Variants in GTF2E2 observed in about 807,000 individuals in gnomAD.
GTF2E2 encodes the protein transcription initiation factor IIE subunit beta.
A neutral mutation model predicts 40.5 loss-of-function variants in GTF2E2; 21 were observed. The ratio of observed to expected loss-of-function variants is 0.52; its 90% CI spans 0.37 to 0.75. GTF2E2 has a LOEUF of 0.75. Among genes scored for constraint, GTF2E2 ranks in the 30% least tolerant of loss-of-function variants. GTF2E2 has a pLI of 0.00. For missense variants in GTF2E2, 298 were observed against 338.4 expected (o/e 0.88, Z 0.94); for synonymous variants, 117 against 121.6 (o/e 0.96, Z 0.25).
rs1585961973 is a variant in GTF2E2 at position 30,610,423 on chromosome 8, G to A, written c.549+1876C>T. On this transcript the variant is annotated intron_variant, in intron 5 of 7. Transcript: ENST00000355904. ...ATTGCATCACTGCACTCCAGCATGGGTGACAGTGTGACTCTGTCTCAAAAA... is the reference window on the plus strand; with the variant it reads ...ATTGCATCACTGCACTCCAGCATGGATGACAGTGTGACTCTGTCTCAAAAA... Among the ~76,000 whole-genome samples, 5 of 143,950 alleles carry A rather than the reference G, an allele frequency of 3.5e-5. No homozygotes were observed. The South Asian group carries it at 1.1e-3, about 33-fold the overall frequency. The allele number at this position is 143,950 out of a possible 152,430, so 94.4% of individuals were successfully genotyped here.
intron 6 of GTF2E2, among the ~76,000 whole-genome samples, chr8:30,599,742 T>TG (rs956769328): frequency 3.4e-4 from 52 of 152,288 alleles, no homozygotes; most frequent in Admixed American, 2.0e-3. Flanking sequence ...CCCAGTACTT[T>TG]GGGAGGCCAA....
At chr8:30,580,145 T>C (rs1269366188) in intron 7 of GTF2E2, 136 bp downstream of exon 7, 5 of 633,526 alleles carry the variant, frequency 7.9e-6, no homozygotes, top group Non-Finnish European at 1.4e-5. Context: ...CTGCAATACC[T>C]CAGATGTGAC....
intron 6 of GTF2E2, among the ~76,000 whole-genome samples, chr8:30,603,190 C>T (rs1271001469): frequency 6.6e-6 from 1 of 151,956 alleles, no homozygotes; most frequent in African/African-American, 2.4e-5. Flanking sequence ...AACAGGCTTA[C>T]GAATAAACAT....
intron 2 of GTF2E2, among the ~76,000 whole-genome samples, chr8:30,638,843 T>G (rs1199407381): frequency 1.3e-5 from 2 of 152,228 alleles, no homozygotes; most frequent in East Asian, 3.9e-4. Flanking sequence ...CCTTACCATC[T>G]GTGCCTTAAT....
intron 2 of GTF2E2, among the ~76,000 whole-genome samples, chr8:30,642,039 T>C (rs1377549860): frequency 6.6e-6 from 1 of 152,182 alleles, no homozygotes; most frequent in Non-Finnish European, 1.5e-5. Context: ...TGTTTCCTAA[T>C]CCCAATTTGA....
intron 6 of GTF2E2, chr8:30,597,252 T>C (rs1419811868): frequency 6.6e-6 from 1 of 152,146 alleles, no homozygotes; most frequent in Non-Finnish European, 1.5e-5. Context: ...CTTTCCACAG[T>C]GGTTTAAGGC....
rs564670857 is a variant in GTF2E2, at chr8:30,595,718, G to A, written c.643+11339C>T. ...GTAGTGGCATGTACCTGCAGTCCTA[G>A]CTACTCAGGAGGCTGAGATGGGAGG... On this transcript the variant is annotated intron_variant, in intron 6 of 7. Coordinates refer to ENST00000355904, the MANE Select transcript of GTF2E2 (RefSeq NM_002095.6). Among the ~76,000 whole-genome samples, 4 of 152,174 alleles carry A rather than the reference G, an allele frequency of 2.6e-5. No homozygotes were observed. In the East Asian group the frequency reaches 5.8e-4, roughly 22 times the overall value.
At chr8:30,596,755 T>C (rs1006524835) in intron 6 of GTF2E2, among the ~76,000 whole-genome samples, 5 of 152,208 alleles carry the variant, frequency 3.3e-5, no homozygotes, top group East Asian at 1.9e-4. Flanking sequence ...AAATAGTTTT[T>C]ATGCCTGGGA....
At chr8:30,637,762 C>T (rs1004142157) in intron 2 of GTF2E2, among the ~76,000 whole-genome samples, 3 of 152,192 alleles carry the variant, frequency 2.0e-5, no homozygotes, top group Non-Finnish European at 4.4e-5. Context: ...ACCCTGTGAT[C>T]CACCCAACTC....
intron 2 of GTF2E2, chr8:30,645,738 G>T: frequency 1.2e-6 from 1 of 805,782 alleles, no homozygotes; most frequent in Non-Finnish European, 1.9e-6. Flanking sequence ...GGAAAAAAAA[G>T]TTAAACATGC....
intron 2 of GTF2E2, chr8:30,645,812 A>G (rs1783426577): frequency 3.8e-6 from 2 of 527,046 alleles, no homozygotes; most frequent in Non-Finnish European, 6.6e-6. Context: ...TGAATTTACT[A>G]ATCTGTTTAA....
chr8:30,638,418 A>T (rs1466097409), intron 2 of GTF2E2, among the ~76,000 whole-genome samples: 2 of 152,222 alleles, frequency 1.3e-5, no homozygotes, highest in Admixed American at 6.5e-5. Context: ...GAACAAAAAA[A>T]TAAAGGAGAA....
chr8:30,590,209 C>T (rs79382713), intron 6 of GTF2E2, among the ~76,000 whole-genome samples: 4,647 of 152,292 alleles, frequency 0.031, 83 homozygotes, highest in South Asian at 0.081. Context: ...TCGAATCTGG[C>T]TTCCCTCATG....
chr8:30,605,919 T>C (rs1008827370), intron 6 of GTF2E2, among the ~76,000 whole-genome samples: 4 of 152,172 alleles, frequency 2.6e-5, no homozygotes, highest in African/African-American at 9.7e-5. Flanking sequence ...CCTTGGCCTC[T>C]GAAAGTGCTA....
chr8:30,581,240 CT>C (rs1192053748), intron 6 of GTF2E2, among the ~76,000 whole-genome samples: 1 of 152,196 alleles, frequency 6.6e-6, no homozygotes, highest in Non-Finnish European at 1.5e-5. Context: ...ACACTCACAA[CT>C]GCCCCACGCA....
chr8:30,652,263 C>T (rs1169651685), intron 2 of GTF2E2, among the ~76,000 whole-genome samples: 2 of 152,024 alleles, frequency 1.3e-5, no homozygotes, highest in South Asian at 2.1e-4. Context: ...TACAAAGACA[C>T]TATTAAGAAG....
At chr8:30,581,950 G>C (rs541838494) in intron 6 of GTF2E2, among the ~76,000 whole-genome samples, 2 of 152,132 alleles carry the variant, frequency 1.3e-5, no homozygotes, top group Non-Finnish European at 2.9e-5. Flanking sequence ...TTTGACTACC[G>C]AATGTATGAA....
intron 5 of GTF2E2, among the ~76,000 whole-genome samples, chr8:30,607,596 G>C (rs1415912274): frequency 2.0e-5 from 3 of 152,066 alleles, no homozygotes; most frequent in Admixed American, 6.6e-5. Context: ...TTTAGTTTTT[G>C]AGTTTCTTTC....
intron 6 of GTF2E2, among the ~76,000 whole-genome samples, chr8:30,582,472 A>G (rs1263625639): frequency 5.3e-5 from 8 of 152,184 alleles, no homozygotes; most frequent in African/African-American, 1.9e-4. Context: ...AATTATTGAA[A>G]CTAACATGGA....
Sources: allele counts gnomAD v4.1 joint callset (sites outside exome capture counted in the v4.1 genomes callset), GRCh38; gene constraint gnomAD v4.1.1; transcripts MANE v1.5; gene names NCBI Gene and HGNC (gene_info 2026-07-23, HGNC 2026-07-21).